The following PTTG1IP2 variants were observed in gnomAD, a reference collection of about 807,000 sequenced individuals.
PTTG1IP2 encodes PTTG1IP family member 2.
rs1017989640 is a variant in PTTG1IP2 at position 90,507,923 on chromosome 7, C to T, written c.*51-5355C>T. Among the ~76,000 whole-genome samples the T allele has an allele frequency of 3.3e-5, 5 of 152,106 alleles. No homozygotes were observed. In the East Asian group the frequency reaches 9.6e-4, roughly 29 times the overall value. ...GTACCATAAGGCACTTGAGATCTTT[C>T]AAGGAAGACAAGCCCTTGAGATAAG... On this transcript the variant is annotated intron_variant, in intron 6 of 6. Transcript: ENST00000509356.
chr7:90,510,619 A>G (rs1184005380), intron 6 of PTTG1IP2, among the ~76,000 whole-genome samples: 1 of 152,220 alleles, frequency 6.6e-6, no homozygotes, highest in East Asian at 1.9e-4. Flanking sequence ...GGAATGTGTG[A>G]AGAAAATTGA....
At position 90,508,197 on chromosome 7, in the gene PTTG1IP2, G is replaced by A. The variant is rs1039387479; in HGVS notation, c.*51-5081G>A. ...TGCAACGATTGCTTCAGCACAAGAAGCAGAGGTTGCAGTGAGCTGAGATTG... is the reference window on the plus strand; with the variant it reads ...TGCAACGATTGCTTCAGCACAAGAAACAGAGGTTGCAGTGAGCTGAGATTG... On this transcript the variant is annotated intron_variant, in intron 6 of 6. Transcript: ENST00000509356. 8.0e-5 allele frequency among the ~76,000 whole-genome samples: 12 copies of A among 150,550 alleles called. No homozygotes were observed. In the East Asian group the frequency reaches 2.3e-3, roughly 29 times the overall value.
At chr7:90,493,824 C>T (rs921338940) in intron 5 of PTTG1IP2, among the ~76,000 whole-genome samples, 2 of 152,168 alleles carry the variant, frequency 1.3e-5, no homozygotes, top group Non-Finnish European at 1.5e-5. Context: ...CATAAGTGTC[C>T]TCTGGACTTA....
At chr7:90,511,222 A>G (rs2116138617) in intron 6 of PTTG1IP2, among the ~76,000 whole-genome samples, 1 of 152,342 alleles carries the variant, frequency 6.6e-6, no homozygotes, top group African/African-American at 2.4e-5. Context: ...AGTGTAAGAT[A>G]TAGTGCCTGC....
intron 6 of PTTG1IP2, among the ~76,000 whole-genome samples, chr7:90,499,897 A>G (rs1798042478): frequency 6.6e-6 from 1 of 152,090 alleles, no homozygotes; most frequent in African/African-American, 2.4e-5. Flanking sequence ...TTCTTTTAAA[A>G]ATAAAACTGT....
At chr7:90,479,977 A>G (rs1797797043) in intron 2 of PTTG1IP2, among the ~76,000 whole-genome samples, 1 of 152,218 alleles carries the variant, frequency 6.6e-6, no homozygotes, top group Non-Finnish European at 1.5e-5. Context: ...ACAAATGTCT[A>G]TCACTCGTCT....
intron 1 of PTTG1IP2, among the ~76,000 whole-genome samples, chr7:90,476,915 T>C (rs557558339): frequency 6.6e-6 from 1 of 152,156 alleles, no homozygotes; most frequent in Admixed American, 6.5e-5. Context: ...ATATTATTAA[T>C]TTATTGCAAT....
chr7:90,495,975 CTTTG>C (rs1466412748), intron 6 of PTTG1IP2, among the ~76,000 whole-genome samples: 1 of 152,194 alleles, frequency 6.6e-6, no homozygotes, highest in Non-Finnish European at 1.5e-5. Flanking sequence ...GGGGAGTACT[CTTTG>C]ACCTGGTAAT....
intron 6 of PTTG1IP2, among the ~76,000 whole-genome samples, chr7:90,496,173 T>G (rs774221047): frequency 2.6e-5 from 4 of 152,222 alleles, no homozygotes; most frequent in Non-Finnish European, 4.4e-5. Context: ...CCTCATTAAA[T>G]GCATTGAGAA....
intron 6 of PTTG1IP2, among the ~76,000 whole-genome samples, chr7:90,513,058 C>A (rs1434265932): frequency 6.6e-6 from 1 of 152,158 alleles, no homozygotes; most frequent in Non-Finnish European, 1.5e-5. Context: ...ATTGAAGAAG[C>A]TTGTCATTTC....
chr7:90,496,701 G>GC (rs1474142552), intron 6 of PTTG1IP2, among the ~76,000 whole-genome samples: 1 of 151,594 alleles, frequency 6.6e-6, no homozygotes, highest in East Asian at 1.9e-4. Flanking sequence ...TCTTATTTCT[G>GC]CCCTGATCTT....
intron 2 of PTTG1IP2, among the ~76,000 whole-genome samples, chr7:90,480,258 C>T (rs142768767): frequency 6.6e-6 from 1 of 152,242 alleles, no homozygotes; most frequent in East Asian, 1.9e-4. Flanking sequence ...TCTTTAGCCT[C>T]AACAAGACAA....
chr7:90,485,505 C>A (rs944745996), intron 2 of PTTG1IP2, among the ~76,000 whole-genome samples: 1 of 152,036 alleles, frequency 6.6e-6, no homozygotes, highest in African/African-American at 2.4e-5. Flanking sequence ...GAGAGAAAGC[C>A]GGATAACAAC....
intron 1 of PTTG1IP2, among the ~76,000 whole-genome samples, chr7:90,470,917 G>A (rs566930466): frequency 4.1e-5 from 6 of 146,840 alleles, no homozygotes; most frequent in South Asian, 4.3e-4. Context: ...GACTCATACC[G>A]GAAATTTTTC....
Position 90,487,405 on chromosome 7 carries a change from T to C in PTTG1IP2, c.271T>C (p.Trp91Arg), listed in dbSNP as rs977811309. 6.6e-6 allele frequency: 1 copy of C among 152,646 alleles called. No individual in the cohort carries two copies. The highest frequency in any genetic ancestry group is 1.5e-5 in the Non-Finnish European group (1 of 68,034). 9.5% of individuals were successfully genotyped at this position (152,646 alleles called of 1,614,324 possible). The change falls in exon 3 of 7, where the codon TGG becomes CGG. Residue 91 changes from tryptophan (W) to arginine (R), a missense_variant. By Grantham distance (101) the Trp-to-Arg change is moderately radical. Coordinates refer to ENST00000509356, the MANE Select transcript of PTTG1IP2 (RefSeq NM_001365443.2). ...CGGTTGTCGATTCAGTTCTATATATTGGTTAAACTGTAAAGGTGAGTTGTC... is the reference window on the plus strand; with the variant it reads ...CGGTTGTCGATTCAGTTCTATATATCGGTTAAACTGTAAAGGTGAGTTGTC... ...YFGCRFSSIY[W>R]LNCKVDMFGI...
intron 2 of PTTG1IP2, among the ~76,000 whole-genome samples, chr7:90,480,910 G>A (rs1055366645): frequency 2.6e-5 from 4 of 152,084 alleles, no homozygotes; most frequent in African/African-American, 4.8e-5. Flanking sequence ...ATTAATTTTA[G>A]ACTTAATCCC....
At chr7:90,481,281 AC>A (rs899001717) in intron 2 of PTTG1IP2, among the ~76,000 whole-genome samples, 1 of 151,986 alleles carries the variant, frequency 6.6e-6, no homozygotes, top group African/African-American at 2.4e-5. Context: ...CAATGCATAC[AC>A]CCTCTTATTT....
At chr7:90,502,432 A>G (rs1409786347) in intron 6 of PTTG1IP2, among the ~76,000 whole-genome samples, 1 of 152,242 alleles carries the variant, frequency 6.6e-6, no homozygotes, top group South Asian at 2.1e-4. Context: ...CTTTAATGGC[A>G]TCTATAATGG....
chr7:90,511,641 C>T (rs1312279185), intron 6 of PTTG1IP2, among the ~76,000 whole-genome samples: 2 of 152,120 alleles, frequency 1.3e-5, no homozygotes, highest in African/African-American at 4.8e-5. Context: ...TACTGGTTTT[C>T]CTTAAGCAGA....
Sources: gnomAD v4.1 joint callset for allele counts (sites outside exome capture counted in the v4.1 genomes callset) on GRCh38, gnomAD v4.1.1 for gene constraint, MANE v1.5 for transcripts, NCBI Gene and HGNC (gene_info 2026-07-23, HGNC 2026-07-21) for gene names.